The following CENPW variants were observed in gnomAD, a reference collection of about 807,000 sequenced individuals.
CENPW encodes cancer-up-regulated gene 2 protein.
In CENPW, 3 loss-of-function variants were observed where a neutral mutation model predicts 11.1. That is an observed-to-expected ratio of 0.27 (90% CI 0.12 to 0.70). CENPW has a LOEUF of 0.70. CENPW is among the 30% of genes least tolerant of loss of function. The probability of loss-of-function intolerance (pLI) is 0.77; values close to 1 mark genes in which losing one functional copy is unlikely to be tolerated. For synonymous variants in CENPW, 38 were observed against 42.0 expected (o/e 0.91, Z 0.37); for missense variants, 100 against 105.6 (o/e 0.95, Z 0.23).
the CENPW span, among the ~76,000 whole-genome samples, chr6:126,480,920 A>G: frequency 6.6e-6 from 1 of 151,998 alleles, no homozygotes; most frequent in Non-Finnish European, 1.5e-5. Context: ...ATATTCTAAA[A>G]CATTATATTC....
chr6:126,395,097 C>G, the CENPW span, among the ~76,000 whole-genome samples: 1 of 151,942 alleles, frequency 6.6e-6, no homozygotes, highest in Admixed American at 6.6e-5. Context: ...TTGGGAAGTT[C>G]TCTGTTATTA....
the CENPW span, among the ~76,000 whole-genome samples, chr6:126,445,736 A>T: frequency 6.6e-6 from 1 of 151,202 alleles, no homozygotes; most frequent in East Asian, 1.9e-4. Flanking sequence ...AACACATTAA[A>T]ATTGATTTAG....
chr6:126,370,637 C>T, the CENPW span, among the ~76,000 whole-genome samples: 1 of 152,126 alleles, frequency 6.6e-6, no homozygotes, highest in East Asian at 1.9e-4. Context: ...TCTCTGATTT[C>T]ATTGAGCAGT....
the CENPW span, among the ~76,000 whole-genome samples, chr6:126,386,547 C>T: frequency 1.3e-5 from 2 of 152,010 alleles, no homozygotes; most frequent in Non-Finnish European, 2.9e-5. Flanking sequence ...GCGCCTTCTG[C>T]CATTTTAATG....
the CENPW span, among the ~76,000 whole-genome samples, chr6:126,364,088 T>C: frequency 1.3e-4 from 20 of 152,170 alleles, no homozygotes; most frequent in African/African-American, 4.6e-4. Context: ...ATAGTGAAAA[T>C]GTACTCTAGG....
the CENPW span, among the ~76,000 whole-genome samples, chr6:126,355,112 T>C: frequency 1.3e-5 from 2 of 152,160 alleles, no homozygotes; most frequent in Non-Finnish European, 2.9e-5. Context: ...ATTTTTTTCA[T>C]GAATAAAAGT....
chr6:126,346,944 G>A (rs577620228), intron 2 of CENPW, among the ~76,000 whole-genome samples: 17 of 151,874 alleles, frequency 1.1e-4, no homozygotes, highest in Admixed American at 3.9e-4. Context: ...GCGAAACTCC[G>A]TCTCAAAAAA....
chr6:126,417,850 A>G, the CENPW span, among the ~76,000 whole-genome samples: 1 of 152,338 alleles, frequency 6.6e-6, no homozygotes, highest in Non-Finnish European at 1.5e-5. Flanking sequence ...TACCTAAAAT[A>G]TTTTCAAATC....
chr6:126,392,925 G>A, the CENPW span, among the ~76,000 whole-genome samples: 2 of 151,790 alleles, frequency 1.3e-5, no homozygotes, highest in African/African-American at 2.4e-5. Context: ...TGGGTCCTGG[G>A]CTTTTATTTG....
the CENPW span, among the ~76,000 whole-genome samples, chr6:126,419,192 G>A: frequency 6.6e-6 from 1 of 152,134 alleles, no homozygotes; most frequent in Non-Finnish European, 1.5e-5. Context: ...TGAGGGTGCT[G>A]ACTCAGGATG....
At chr6:126,386,333 ATATCTC>A in the CENPW span, among the ~76,000 whole-genome samples, 42 of 152,174 alleles carry the variant, frequency 2.8e-4, no homozygotes, top group African/African-American at 9.9e-4. Context: ...TGGAGGGAGA[ATATCTC>A]TGTGAGGGAA....
At chr6:126,389,314 G>T in the CENPW span, among the ~76,000 whole-genome samples, 2 of 151,832 alleles carry the variant, frequency 1.3e-5, no homozygotes, top group African/African-American at 4.8e-5. Flanking sequence ...AAATTTTACT[G>T]TAAGAGTACT....
At chr6:126,438,830 C>T in the CENPW span, among the ~76,000 whole-genome samples, 1 of 151,628 alleles carries the variant, frequency 6.6e-6, no homozygotes, top group Admixed American at 6.6e-5. Flanking sequence ...TACTTGCACA[C>T]TGATACACTT....
the CENPW span, among the ~76,000 whole-genome samples, chr6:126,467,445 C>A: frequency 6.6e-6 from 1 of 152,050 alleles, no homozygotes; most frequent in South Asian, 2.1e-4. Flanking sequence ...TAAGGAAATG[C>A]TAAACAAACT....
chr6:126,457,674 G>A, the CENPW span, among the ~76,000 whole-genome samples: 4 of 151,226 alleles, frequency 2.6e-5, no homozygotes. Flanking sequence ...AGCAAGTACA[G>A]CAATGAGCTC....
the CENPW span, among the ~76,000 whole-genome samples, chr6:126,408,329 G>C: frequency 2.0e-5 from 3 of 152,184 alleles, no homozygotes; most frequent in African/African-American, 7.2e-5. Context: ...CAAGGTGGAA[G>C]ATGTAGGAGG....
At chr6:126,470,512 G>T in the CENPW span, among the ~76,000 whole-genome samples, 1 of 152,246 alleles carries the variant, frequency 6.6e-6, no homozygotes, top group East Asian at 1.9e-4. Context: ...AGAGGGGAAA[G>T]TGGGTTTAGA....
chr6:126,482,624 T>G, the CENPW span, among the ~76,000 whole-genome samples: 31 of 151,944 alleles, frequency 2.0e-4, no homozygotes, highest in Non-Finnish European at 4.0e-4. Flanking sequence ...CTTTATACAT[T>G]GAATTGCAAT....
the CENPW span, among the ~76,000 whole-genome samples, chr6:126,418,881 T>C: frequency 1.6e-5 from 2 of 127,178 alleles, no homozygotes; most frequent in Non-Finnish European, 3.1e-5. Flanking sequence ...AATTGAACAA[T>C]GAGAACACTT....
Sources: gnomAD v4.1 joint callset for allele counts (sites outside exome capture counted in the v4.1 genomes callset) on GRCh38, gnomAD v4.1.1 for gene constraint, MANE v1.5 for transcripts, NCBI Gene and HGNC (gene_info 2026-07-23, HGNC 2026-07-21) for gene names.